RFX4: variants seen among roughly 807,000 people sequenced by gnomAD.
The protein encoded by RFX4 is transcription factor RFX4.
RFX4 carries 10 observed loss-of-function variants against 95.0 expected under a neutral mutation model. The ratio of observed to expected loss-of-function variants is 0.11; its 90% confidence interval spans 0.06 to 0.18. RFX4 has a LOEUF of 0.18. RFX4 is among the 10% of genes least tolerant of loss of function. The pLI, the probability that RFX4 is intolerant of heterozygous loss-of-function variation, is 1.00. For synonymous variants in RFX4, 321 were observed against 340.7 expected, an observed-to-expected ratio of 0.94 and a Z score of 0.64; for missense variants, 640 against 922.0, an observed-to-expected ratio of 0.69 and a Z score of 3.96.
chr12:106,731,226 C>T (rs1444049979), intron 13 of RFX4, among the ~76,000 whole-genome samples: 1 of 152,198 alleles, frequency 6.6e-6, no homozygotes, highest in African/African-American at 2.4e-5. Flanking sequence ...TAGACATTAA[C>T]TGAGCCCCTA....
At chr12:106,692,101 G>A (rs2041796183) in intron 7 of RFX4, among the ~76,000 whole-genome samples, 1 of 150,672 alleles carries the variant, frequency 6.6e-6, no homozygotes, top group South Asian at 2.1e-4. Flanking sequence ...AGGTTGCAGT[G>A]AGCCAAGATT....
intron 2 of RFX4, among the ~76,000 whole-genome samples, chr12:106,638,044 G>A (rs1311212276): frequency 6.9e-6 from 1 of 144,412 alleles, no homozygotes; most frequent in African/African-American, 2.6e-5. Context: ...ATCTTGCTCT[G>A]TTGCCCAGAC....
In RFX4 at chr12:106,761,450, C is replaced by G; in HGVS notation, c.2189C>G (p.Ser730Cys). 6.2e-7 allele frequency: 1 copy of G among 1,613,446 alleles called. No individual in the cohort carries two copies. The highest frequency in any genetic ancestry group is 1.7e-4 in the Middle Eastern group (1 of 6,052). The change falls in exon 18 of 18, where the codon TCT becomes TGT. Residue 730 changes from serine to cysteine, a missense_variant. Transcript: ENST00000392842. ...TTTGCTTACATCAACGGAGAGGCCT[C>G]TACAGGATGGGCTAAATGACTGCTA... Reference protein sequence around the residue: ...PGFAYINGEASTGWAK With the variant: ...PGFAYINGEACTGWAK
intron 3 of RFX4, among the ~76,000 whole-genome samples, chr12:106,640,582 T>C (rs933355617): frequency 6.6e-6 from 1 of 152,202 alleles, no homozygotes; most frequent in African/African-American, 2.4e-5. Flanking sequence ...TTTGTTCCTA[T>C]AGACTTTTTC....
chr12:106,592,666 C>T (rs2039566114), intron 1 of RFX4, among the ~76,000 whole-genome samples: 1 of 149,878 alleles, frequency 6.7e-6, no homozygotes, highest in South Asian at 2.2e-4. Flanking sequence ...TTAGGCATCA[C>T]TGTTTTAAGG....
At chr12:106,593,879 G>T (rs2039580128) in intron 1 of RFX4, among the ~76,000 whole-genome samples, 1 of 152,158 alleles carries the variant, frequency 6.6e-6, no homozygotes, top group Admixed American at 6.5e-5. Context: ...TCCAGAATTG[G>T]CAGAATTGGG....
chr12:106,658,556 G>C (rs908661046), intron 4 of RFX4, among the ~76,000 whole-genome samples: 3 of 152,192 alleles, frequency 2.0e-5, no homozygotes, highest in Admixed American at 6.5e-5. Context: ...CTGGGAAAGA[G>C]GGGTAGGATC....
chr12:106,606,934 T>C (rs565080720), intron 1 of RFX4, among the ~76,000 whole-genome samples: 11 of 152,338 alleles, frequency 7.2e-5, no homozygotes, highest in African/African-American at 2.6e-4. Flanking sequence ...CTCGGCTCTT[T>C]GAATTATGAG....
intron 2 of RFX4, among the ~76,000 whole-genome samples, chr12:106,636,287 G>T (rs2040508916): frequency 6.6e-6 from 1 of 151,872 alleles, no homozygotes; most frequent in Non-Finnish European, 1.5e-5. Flanking sequence ...CTACTTGGGG[G>T]GCTGAGGCAG....
At chr12:106,592,491 G>A (rs1258648310) in intron 1 of RFX4, among the ~76,000 whole-genome samples, 1 of 152,176 alleles carries the variant, frequency 6.6e-6, no homozygotes, top group African/African-American at 2.4e-5. Context: ...AGAGAGATCT[G>A]TGGTGTACTC....
chr12:106,677,559 C>T (rs1203478242), intron 4 of RFX4, among the ~76,000 whole-genome samples: 2 of 152,076 alleles, frequency 1.3e-5, no homozygotes, highest in Non-Finnish European at 2.9e-5. Flanking sequence ...GATCCTGCCG[C>T]TGAGGCCGGG....
chr12:106,681,851 C>T (rs2041521922), intron 4 of RFX4, 142 bp from the exon 5 acceptor site: 1 of 764,012 alleles, frequency 1.3e-6, no homozygotes, highest in African/African-American at 1.7e-5. Flanking sequence ...TAGTCTTCTC[C>T]AGGGTCCTCA....
chr12:106,655,125 G>A (rs1384145056), intron 4 of RFX4, among the ~76,000 whole-genome samples: 1 of 152,188 alleles, frequency 6.6e-6, no homozygotes, highest in African/African-American at 2.4e-5. Context: ...AGAGGTCAGT[G>A]TATGAGTTTC....
At chr12:106,686,845 T>A in intron 5 of RFX4, 39 bp from the exon 6 acceptor site, 1 of 1,549,414 alleles carries the variant, frequency 6.5e-7, no homozygotes, top group Non-Finnish European at 8.8e-7. Context: ...CTCTCTTTTT[T>A]TTTTTTTCTC....
chr12:106,721,351 C>T (rs11113092), intron 13 of RFX4, among the ~76,000 whole-genome samples: 10,864 of 152,196 alleles, frequency 0.071, 518 homozygotes, highest in East Asian at 0.26. Flanking sequence ...TAAAAGAGGG[C>T]ATTTGCATTC....
intron 2 of RFX4, among the ~76,000 whole-genome samples, chr12:106,628,128 C>T (rs1357016176): frequency 6.6e-6 from 1 of 152,124 alleles, no homozygotes; most frequent in Non-Finnish European, 1.5e-5. Context: ...ACCTCCATGC[C>T]CACAGTGTCA....
At chr12:106,724,079 C>T (rs898081035) in intron 13 of RFX4, among the ~76,000 whole-genome samples, 23 of 152,266 alleles carry the variant, frequency 1.5e-4, no homozygotes, top group African/African-American at 4.8e-4. Flanking sequence ...CACACAACCC[C>T]GTGAGGTCTG....
intron 5 of RFX4, chr12:106,682,396 G>A: frequency 3.0e-6 from 1 of 337,122 alleles, no homozygotes; most frequent in Non-Finnish European, 5.5e-6. Context: ...CTGTTTTGCT[G>A]AGCAAACTCT....
chr12:106,653,892 C>T (rs150022722), intron 3 of RFX4, among the ~76,000 whole-genome samples: 11 of 152,284 alleles, frequency 7.2e-5, no homozygotes, highest in African/African-American at 2.6e-4. Flanking sequence ...TTGGGGCACC[C>T]ACAAGACCCT....
Sources: gnomAD v4.1 joint callset for allele counts (sites outside exome capture counted in the v4.1 genomes callset) on GRCh38, gnomAD v4.1.1 for gene constraint, MANE v1.5 for transcripts, NCBI Gene and HGNC (gene_info 2026-07-23, HGNC 2026-07-21) for gene names.